SLX4IP: variants seen among roughly 807,000 people sequenced by gnomAD.
The protein encoded by SLX4IP is protein SLX4IP.
In SLX4IP, 34 loss-of-function variants were observed where a neutral mutation model predicts 32.9. That is an observed-to-expected ratio of 1.03 (90% confidence interval 0.79 to 1.38). The LOEUF (loss-of-function observed/expected upper bound fraction) is 1.38. Ranked by LOEUF, SLX4IP falls within the 40% of genes most tolerant of loss-of-function variation. The pLI, the probability that SLX4IP is intolerant of heterozygous loss-of-function variation, is 0.00. For synonymous variants in SLX4IP, 172 were observed against 171.7 expected (o/e 1.00, Z -0.01); for missense variants, 444 against 479.0 (o/e 0.93, Z 0.68).
intron 2 of SLX4IP, among the ~76,000 whole-genome samples, chr20:10,474,465 G>A (rs563432764): frequency 7.7e-4 from 118 of 152,316 alleles, no homozygotes; most frequent in African/African-American, 2.6e-3. Flanking sequence ...GAACTCTGGA[G>A]TTTGCTTTTA....
At chr20:10,526,208 A>G (rs1266373463) in intron 2 of SLX4IP, among the ~76,000 whole-genome samples, 1 of 152,254 alleles carries the variant, frequency 6.6e-6, no homozygotes. Flanking sequence ...GTAAAAGCCT[A>G]GTCATCAATC....
chr20:10,594,253 G>A (rs1267205260), intron 4 of SLX4IP, among the ~76,000 whole-genome samples: 3 of 152,184 alleles, frequency 2.0e-5, no homozygotes, highest in Non-Finnish European at 2.9e-5. Context: ...ATCTCAGGGA[G>A]AGAAGTACTG....
chr20:10,486,505 G>C (rs1475671672), intron 2 of SLX4IP, among the ~76,000 whole-genome samples: 1 of 152,094 alleles, frequency 6.6e-6, no homozygotes, highest in Non-Finnish European at 1.5e-5. Flanking sequence ...CAACACCCTG[G>C]TAAAATTTTT....
At chr20:10,484,797 T>A (rs2065557984) in intron 2 of SLX4IP, among the ~76,000 whole-genome samples, 1 of 152,192 alleles carries the variant, frequency 6.6e-6, no homozygotes, top group Non-Finnish European at 1.5e-5. Context: ...GGGCCTCATA[T>A]AATCCCAAGT....
chr20:10,601,355 TTCTTCC>T (rs895400394), intron 5 of SLX4IP, among the ~76,000 whole-genome samples: 11 of 152,188 alleles, frequency 7.2e-5, no homozygotes, highest in African/African-American at 2.4e-4. Flanking sequence ...TTATCTAATA[TTCTTCC>T]TCTTCCTCTA....
chr20:10,492,995 G>C (rs551534707), intron 2 of SLX4IP, among the ~76,000 whole-genome samples: 1 of 151,902 alleles, frequency 6.6e-6, no homozygotes, highest in African/African-American at 2.4e-5. Flanking sequence ...TAAGAGATGG[G>C]GTCTTGCTAT....
chr20:10,445,698 C>T (rs111914223), intron 1 of SLX4IP, among the ~76,000 whole-genome samples: 1 of 150,394 alleles, frequency 6.6e-6, no homozygotes, highest in Non-Finnish European at 1.5e-5. Context: ...GATCTCGGCT[C>T]ACTGCAACCT....
chr20:10,503,152 G>A (rs538425873), intron 2 of SLX4IP, among the ~76,000 whole-genome samples: 2 of 152,218 alleles, frequency 1.3e-5, no homozygotes, highest in South Asian at 4.1e-4. Flanking sequence ...ATATCAGCAG[G>A]GTTCACTCTG....
chr20:10,499,852 A>G (rs190888651), intron 2 of SLX4IP, among the ~76,000 whole-genome samples: 2 of 152,360 alleles, frequency 1.3e-5, no homozygotes, highest in African/African-American at 2.4e-5. Flanking sequence ...GAGTAAATCT[A>G]TGTATAGCTA....
intron 1 of SLX4IP, among the ~76,000 whole-genome samples, chr20:10,453,215 AG>A (rs2065257322): frequency 6.6e-6 from 1 of 152,178 alleles, no homozygotes; most frequent in Non-Finnish European, 1.5e-5. Flanking sequence ...TCATGGAATC[AG>A]TCATTGCCTT....
intron 2 of SLX4IP, among the ~76,000 whole-genome samples, chr20:10,471,841 C>G (rs914225696): frequency 1.3e-5 from 2 of 152,168 alleles, no homozygotes; most frequent in Admixed American, 1.3e-4. Context: ...ATGTTTAGTT[C>G]TTCTCAATGA....
chr20:10,567,451 G>A (rs2066409461), intron 4 of SLX4IP, among the ~76,000 whole-genome samples: 1 of 152,126 alleles, frequency 6.6e-6, no homozygotes, highest in Non-Finnish European at 1.5e-5. Context: ...CCCTCTGGAG[G>A]ACTCAGTGTT....
chr20:10,453,363 G>C (rs1332889431), intron 1 of SLX4IP, among the ~76,000 whole-genome samples: 1 of 140,624 alleles, frequency 7.1e-6, no homozygotes, highest in Non-Finnish European at 1.6e-5. Flanking sequence ...TCTCCCCTGC[G>C]GCCTGCTCTG....
chr20:10,529,403 A>G (rs1256500859), intron 2 of SLX4IP, among the ~76,000 whole-genome samples: 1 of 151,944 alleles, frequency 6.6e-6, no homozygotes, highest in African/African-American at 2.4e-5. Flanking sequence ...AGCCTGGCCA[A>G]CAGGGTGAAA....
intron 2 of SLX4IP, among the ~76,000 whole-genome samples, chr20:10,519,663 C>G (rs902585403): frequency 3.9e-5 from 6 of 152,202 alleles, no homozygotes; most frequent in Non-Finnish European, 8.8e-5. Context: ...ACTGTTATGA[C>G]TAATGTTGCT....
intron 1 of SLX4IP, among the ~76,000 whole-genome samples, chr20:10,437,790 T>C (rs2065127204): frequency 6.6e-6 from 1 of 152,240 alleles, no homozygotes; most frequent in Non-Finnish European, 1.5e-5. Flanking sequence ...TATTCATTGC[T>C]TCTAGTATTA....
intron 2 of SLX4IP, among the ~76,000 whole-genome samples, chr20:10,523,494 A>G (rs2065916267): frequency 6.6e-6 from 1 of 152,240 alleles, no homozygotes. Context: ...ATATGATTAT[A>G]TGGAAGAAGA....
intron 3 of SLX4IP, among the ~76,000 whole-genome samples, chr20:10,560,265 G>A (rs1356736583): frequency 6.6e-6 from 1 of 152,170 alleles, no homozygotes; most frequent in African/African-American, 2.4e-5. Context: ...CAGTCCCCTG[G>A]CCACACTGGG....
chr20:10,620,755 C>T (rs190712142), intron 6 of SLX4IP, among the ~76,000 whole-genome samples: 1 of 152,288 alleles, frequency 6.6e-6, no homozygotes, highest in East Asian at 1.9e-4. Context: ...CGGGGTTTCA[C>T]CGTGTTAGCC....
Sources: allele counts gnomAD v4.1 joint callset (sites outside exome capture counted in the v4.1 genomes callset), GRCh38; gene constraint gnomAD v4.1.1; transcripts MANE v1.5; gene names NCBI Gene and HGNC (gene_info 2026-07-23, HGNC 2026-07-21).